The following ITPRID1 variants were observed in gnomAD, a reference collection of about 807,000 sequenced individuals.
ITPRID1 encodes the protein ITPR interacting domain containing 1.
Under a neutral mutation model 95.4 loss-of-function variants are expected in ITPRID1, and 96 were observed. That is an observed-to-expected ratio of 1.01 (90% confidence interval 0.85 to 1.19). ITPRID1 has a LOEUF of 1.19. ITPRID1 is among the 50% of genes most tolerant of loss of function. ITPRID1 has a pLI of 0.00. For synonymous variants in ITPRID1, 510 were observed against 453.6 expected (o/e 1.12, Z -1.58); for missense variants, 1,339 against 1,252.9 (o/e 1.07, Z -1.04).
intron 1 of ITPRID1, among the ~76,000 whole-genome samples, chr7:31,543,350 C>T (rs10245230): frequency 0.33 from 50,564 of 151,782 alleles, 9,548 homozygotes; most frequent in Non-Finnish European, 0.42. Flanking sequence ...GTAATTCAGT[C>T]GGCTGGGAAA....
rs61185544 is a variant in ITPRID1, at chr7:31,649,044, G to A, written c.2584-2098G>A. Among the ~76,000 whole-genome samples, 3 of 152,174 alleles carry A rather than the reference G, an allele frequency of 2.0e-5. No homozygotes were observed. In the East Asian group the frequency reaches 5.8e-4, roughly 29 times the overall value. ...CAGTATCACTTCAGAGATTCCCTAA[G>A]TGTTTCAAATTCACTCACATTGATG... On this transcript the variant is annotated intron_variant, in intron 12 of 14. Transcript: ENST00000615280.
At position 31,654,411 on chromosome 7, in the gene ITPRID1, C is replaced by T. The variant is rs1162392092; in HGVS notation, c.*1582C>T. Among the ~76,000 whole-genome samples the T allele has an allele frequency of 3.3e-5, 5 of 152,182 alleles. No individual in the cohort carries two copies. Among genetic ancestry groups the T allele is most frequent in the African/African-American group, 4.8e-5 (2 of 41,448 alleles). ...ATAGGCCATGACCAAGTCTTTGCAT[C>T]TGAATCCTTTTTCCAAGGGTAATGG... On this transcript the variant is annotated 3_prime_UTR_variant, in exon 15 of 15. Transcript: ENST00000615280.
At chr7:31,621,008 T>C (rs1476241362) in intron 10 of ITPRID1, among the ~76,000 whole-genome samples, 6 of 151,494 alleles carry the variant, frequency 4.0e-5, no homozygotes, top group African/African-American at 7.3e-5. Context: ...AGGGTATCAG[T>C]GATGGAAGAT....
chr7:31,658,546 C>T (rs549124460), downstream of ITPRID1: 41 of 462,234 alleles, frequency 8.9e-5, no homozygotes, highest in African/African-American at 6.3e-4. Flanking sequence ...GGGTTGCATA[C>T]GTAATTTCAA....
chr7:31,602,005 T>C (rs1339474709), intron 10 of ITPRID1, among the ~76,000 whole-genome samples: 5 of 152,174 alleles, frequency 3.3e-5, no homozygotes, highest in Non-Finnish European at 7.3e-5. Context: ...ATGTAGTCTC[T>C]GGCTGTTTAA....
At chr7:31,631,744 G>A (rs1308380223) in intron 10 of ITPRID1, among the ~76,000 whole-genome samples, 1 of 152,218 alleles carries the variant, frequency 6.6e-6, no homozygotes, top group Non-Finnish European at 1.5e-5. Flanking sequence ...AACCTCAGGA[G>A]AGTGCTAATG....
At chr7:31,568,586 C>G (rs1313784948) in intron 5 of ITPRID1, among the ~76,000 whole-genome samples, 1 of 152,180 alleles carries the variant, frequency 6.6e-6, no homozygotes, top group Non-Finnish European at 1.5e-5. Context: ...ATATTCTAAG[C>G]ATTTTCTTCT....
At position 31,643,671 on chromosome 7, in the gene ITPRID1, A is replaced by C. The variant is rs1291321915; in HGVS notation, c.2301A>C (p.Leu767=). 1 of 1,613,946 alleles carries C rather than the reference A, an allele frequency of 6.2e-7. No homozygotes were observed. Among genetic ancestry groups the C allele is most frequent in the African/African-American group, 1.3e-5 (1 of 74,952 alleles). Residue 767 remains leucine, a synonymous_variant, in exon 12 of 15, where the codon CTA becomes CTC. Transcript: ENST00000615280. ...ATGCTTCCATTCAGACTTCAGCTCTAAGCAACAAGACCTTGACACATGGGC... is the reference window on the plus strand; with the variant it reads ...ATGCTTCCATTCAGACTTCAGCTCTCAGCAACAAGACCTTGACACATGGGC... ...LNDASIQTSA[L]SNKTLTHGPQ... is the part of the protein sequence containing the mutation.
chr7:31,547,767 A>T (rs573541064), intron 1 of ITPRID1, among the ~76,000 whole-genome samples: 1 of 152,274 alleles, frequency 6.6e-6, no homozygotes, highest in African/African-American at 2.4e-5. Flanking sequence ...GAAGCACACT[A>T]GAATAAAAGC....
At chr7:31,647,506 A>G (rs1177074758) in intron 12 of ITPRID1, among the ~76,000 whole-genome samples, 1 of 11,704 alleles carries the variant, frequency 8.5e-5, no homozygotes, top group African/African-American at 3.6e-4. Context: ...CATTAAAACT[A>G]CAAAAAAAAA....
At position 31,654,356 on chromosome 7, in the gene ITPRID1, G is replaced by A. The variant is rs1332047296; in HGVS notation, c.*1527G>A. ...GCGGTGGGGCATGGAGATGGAGGGA[G>A]GGGAAGGCTGAGAGGGGATCGGTCA... On this transcript the variant is annotated 3_prime_UTR_variant, in exon 15 of 15. Transcript: ENST00000615280. Among the ~76,000 whole-genome samples the A allele has an allele frequency of 6.6e-6, 1 of 152,138 alleles. No individual in the cohort carries two copies. Among genetic ancestry groups the A allele is most frequent in the South Asian group, 2.1e-4 (1 of 4,824 alleles).
chr7:31,656,724 C>G (rs926807648), downstream of ITPRID1, among the ~76,000 whole-genome samples: 1 of 152,078 alleles, frequency 6.6e-6, no homozygotes, highest in Non-Finnish European at 1.5e-5. Flanking sequence ...TTTTGACAGT[C>G]AGAAAGATGA....
chr7:31,650,738 T>C (rs1790871745), intron 12 of ITPRID1, among the ~76,000 whole-genome samples: 2 of 152,220 alleles, frequency 1.3e-5, no homozygotes, highest in South Asian at 2.1e-4. Flanking sequence ...TTCAATGTTA[T>C]TGATACTCAG....
chr7:31,632,820 G>T (rs1789133567), intron 10 of ITPRID1, among the ~76,000 whole-genome samples: 2 of 152,242 alleles, frequency 1.3e-5, no homozygotes, highest in Non-Finnish European at 1.5e-5. Context: ...AGCCTGAAAA[G>T]CCTGCCCTGT....
intron 10 of ITPRID1, among the ~76,000 whole-genome samples, chr7:31,602,269 A>G (rs903196214): frequency 6.6e-6 from 1 of 152,232 alleles, no homozygotes; most frequent in Non-Finnish European, 1.5e-5. Flanking sequence ...CCAGGTTGGC[A>G]GCAACAAGAC....
At chr7:31,523,332 T>C (rs76750213) in intron 1 of ITPRID1, among the ~76,000 whole-genome samples, 1 of 152,194 alleles carries the variant, frequency 6.6e-6, no homozygotes. Context: ...TGGATATAAA[T>C]GCTTCTTTGA....
chr7:31,614,858 G>A (rs951483116), intron 10 of ITPRID1, among the ~76,000 whole-genome samples: 5 of 151,944 alleles, frequency 3.3e-5, no homozygotes, highest in African/African-American at 1.2e-4. Flanking sequence ...CTCCTGATTC[G>A]GGGGCCCCAT....
chr7:31,642,600 T>C, intron 11 of ITPRID1, 82 bp from the exon 12 acceptor site: 2 of 1,279,742 alleles, frequency 1.6e-6, no homozygotes, highest in South Asian at 1.5e-5. Context: ...CCTAAGGCAA[T>C]GACAAGAAGA....
chr7:31,656,765 A>G (rs73686913), downstream of ITPRID1, among the ~76,000 whole-genome samples: 4,851 of 152,254 alleles, frequency 0.032, 284 homozygotes, highest in African/African-American at 0.11. Context: ...AGAAAAGACC[A>G]TTTATTATTT....
Sources: gnomAD v4.1 joint callset for allele counts (sites outside exome capture counted in the v4.1 genomes callset) on GRCh38, gnomAD v4.1.1 for gene constraint, MANE v1.5 for transcripts, NCBI Gene and HGNC (gene_info 2026-07-23, HGNC 2026-07-21) for gene names.